Variants in CRY2 observed in about 807,000 individuals in gnomAD.
CRY2 encodes the protein cryptochrome-2.
In CRY2, 31 loss-of-function variants were observed where a neutral mutation model predicts 69.5. The observed-to-expected ratio is 0.45, with a 90% CI of 0.34 to 0.60. CRY2 has a LOEUF of 0.60. CRY2 is among the 20% of genes least tolerant of loss of function. The probability of loss-of-function intolerance (pLI) is 0.02; values close to 1 mark genes in which losing one functional copy is unlikely to be tolerated. For synonymous variants in CRY2, 303 were observed against 312.2 expected (o/e 0.97, Z 0.31); for missense variants, 606 against 797.8 (o/e 0.76, Z 2.90).
intron 3 of CRY2, among the ~76,000 whole-genome samples, chr11:45,860,162 T>C (rs980494897): frequency 2.6e-5 from 4 of 152,170 alleles, no homozygotes; most frequent in Non-Finnish European, 4.4e-5. Context: ...TCCTTCCTTC[T>C]TGCATGAGTG....
At chr11:45,854,694 G>GTAAA (rs1032811612) in intron 1 of CRY2, among the ~76,000 whole-genome samples, 4 of 151,976 alleles carry the variant, frequency 2.6e-5, no homozygotes, top group African/African-American at 4.8e-5. Flanking sequence ...GTCTCAAAAA[G>GTAAA]TAAATAAATA....
At chr11:45,863,385 C>A (rs2086303661) in intron 5 of CRY2, among the ~76,000 whole-genome samples, 1 of 152,036 alleles carries the variant, frequency 6.6e-6, no homozygotes, top group Non-Finnish European at 1.5e-5. Context: ...AGGTCACCGA[C>A]AGGAGCTCCT....
intron 9 of CRY2, 31 bp downstream of exon 9, chr11:45,870,563 G>A: frequency 6.2e-7 from 1 of 1,610,206 alleles, no homozygotes; most frequent in Non-Finnish European, 8.5e-7. Flanking sequence ...CTCACTGAAG[G>A]GAAGGACAGC....
rs2086490514 is a variant in CRY2, at chr11:45,883,138, C to T, written c.*2227C>T. 5.6e-6 allele frequency: 1 copy of T among 177,776 alleles called. No homozygotes were observed. The highest frequency in any genetic ancestry group is 1.2e-5 in the Non-Finnish European group (1 of 85,240). The allele number at this position is 177,776 out of a possible 1,614,324, so 11.0% of individuals were successfully genotyped here. On this transcript the variant is annotated 3_prime_UTR_variant, in exon 12 of 12. Transcript: ENST00000616080. The stretch of plus-strand genomic sequence containing the variant: ...GGCCAGCATGGGGAAGAGATGGTTG[C>T]AGGCAAAATGCACTTTATAGAGATT...
chr11:45,870,724 G>A lies in CRY2; in HGVS notation c.1550-118G>A, dbSNP rs115313535. 4,749 of 1,099,424 alleles carry A rather than the reference G, an allele frequency of 4.3e-3. 131 individuals carry two copies. In the African/African-American group the frequency reaches 0.063, roughly 14 times the overall value. The allele number at this position is 1,099,424 out of a possible 1,614,324, so 68.1% of individuals were successfully genotyped here. ...CTGAGTAGTTGTGGGGCTGTGGGAGGAAATGGAACCTCAGTGTCTTGCTCC... is the reference window on the plus strand; with the variant it reads ...CTGAGTAGTTGTGGGGCTGTGGGAGAAAATGGAACCTCAGTGTCTTGCTCC... On this transcript the variant is annotated intron_variant, in intron 9 of 11. Coordinates refer to ENST00000616080, the MANE Select transcript of CRY2 (RefSeq NM_021117.5).
chr11:45,866,896 G>A (rs377257028), intron 5 of CRY2, among the ~76,000 whole-genome samples: 4 of 151,912 alleles, frequency 2.6e-5, no homozygotes, highest in African/African-American at 7.3e-5. Flanking sequence ...TGGAGGTTGC[G>A]GTGAGCCGAG....
intron 5 of CRY2, 66 bp from the exon 6 acceptor site, chr11:45,867,546 A>G (rs1470675039): frequency 6.9e-6 from 11 of 1,599,558 alleles, no homozygotes; most frequent in East Asian, 4.5e-5. Context: ...TAACCACCCA[A>G]TGCCTCCATT....
chr11:45,867,574 C>T, intron 5 of CRY2, 38 bp from the exon 6 acceptor site: 6 of 1,613,260 alleles, frequency 3.7e-6, no homozygotes, highest in Non-Finnish European at 5.1e-6. Flanking sequence ...CTGTTACATC[C>T]AAGCCTTTCC....
intron 5 of CRY2, among the ~76,000 whole-genome samples, chr11:45,862,629 C>T (rs1045966534): frequency 1.3e-5 from 2 of 152,198 alleles, no homozygotes; most frequent in Non-Finnish European, 2.9e-5. Flanking sequence ...AAAGCTATGT[C>T]GGATTGCTTT....
chr11:45,869,648 A>G lies in CRY2; in HGVS notation c.1025A>G (p.Asn342Ser), dbSNP rs766746405. Residue 342 changes from asparagine (N) to serine (S), a missense_variant, in exon 7 of 12, where the codon AAT becomes AGT. By Grantham distance (46) the Asn-to-Ser change is conservative. This residue lies in a region of CRY2 where 382 missense variants were observed against 508.9 expected (regional missense o/e 0.75). Transcript: ENST00000616080. ...PICIQIPWDRNPEALAKWAEG... is the reference protein window; with the variant it reads ...PICIQIPWDRSPEALAKWAEG... The stretch of plus-strand genomic sequence containing the variant: ...TGCATCCAGATCCCCTGGGACCGCA[A>G]TCCTGAGGCCCTGGCCAAGTGGGCT... The G allele has an allele frequency of 6.2e-7, 1 of 1,614,230 alleles. No homozygotes were observed. The highest frequency in any genetic ancestry group is 1.1e-5 in the South Asian group (1 of 91,092).
intron 2 of CRY2, among the ~76,000 whole-genome samples, chr11:45,857,364 A>G (rs1472957818): frequency 1.3e-5 from 2 of 152,154 alleles, no homozygotes; most frequent in African/African-American, 2.4e-5. Flanking sequence ...CTGACTCTAG[A>G]GCTGTATCCT....
At chr11:45,879,144 G>T (rs1295941334) in intron 11 of CRY2, among the ~76,000 whole-genome samples, 1 of 151,284 alleles carries the variant, frequency 6.6e-6, no homozygotes, top group Non-Finnish European at 1.5e-5. Context: ...CAGGAGAATC[G>T]CTTGAACCTG....
chr11:45,882,281 C>T lies in CRY2; in HGVS notation c.*1370C>T, dbSNP rs1015899463. The T allele has an allele frequency of 2.3e-4, 43 of 190,738 alleles. No homozygotes were observed. The highest frequency in any genetic ancestry group is 4.4e-4 in the East Asian group (4 of 9,146). The allele number at this position is 190,738 out of a possible 1,614,324, so 11.8% of individuals were successfully genotyped here. A position where few individuals can be genotyped will look rare whatever the true frequency, so the allele number is the denominator to read the frequency against. On this transcript the variant is annotated 3_prime_UTR_variant, in exon 12 of 12. Transcript: ENST00000616080. ...GCCACAAAGTGTGTGTGTGTGTGTG[C>T]GTGTGTGGTACGTGTGTGTGTGTGT...
intron 10 of CRY2, 91 bp from the exon 11 acceptor site, chr11:45,872,001 C>T (rs1590771313): frequency 6.5e-7 from 1 of 1,527,834 alleles, no homozygotes; most frequent in South Asian, 1.2e-5. Context: ...TAAGTGTGCT[C>T]CCTGTCCCCT....
intron 4 of CRY2, chr11:45,861,722 G>T (rs567306468): frequency 2.4e-4 from 64 of 267,954 alleles, no homozygotes; most frequent in African/African-American, 1.3e-3. Context: ...GATTACAGAC[G>T]TGAGCCACAC....
chr11:45,879,579 G>T (rs1265147097), intron 11 of CRY2, among the ~76,000 whole-genome samples: 1 of 152,238 alleles, frequency 6.6e-6, no homozygotes, highest in Non-Finnish European at 1.5e-5. Flanking sequence ...ACAGATTTGA[G>T]AATCAGACAG....
chr11:45,849,583 G>A (rs1242384730), intron 1 of CRY2, among the ~76,000 whole-genome samples: 1 of 151,854 alleles, frequency 6.6e-6, no homozygotes, highest in East Asian at 1.9e-4. Flanking sequence ...ATCCCATAAG[G>A]GTCTTTAAAA....
intron 1 of CRY2, among the ~76,000 whole-genome samples, chr11:45,848,900 G>T (rs1020066701): frequency 5.3e-5 from 8 of 152,184 alleles, no homozygotes; most frequent in African/African-American, 1.9e-4. Flanking sequence ...AAGGAGTCCT[G>T]TGGAGAGCCT....
At chr11:45,869,846 C>G in intron 7 of CRY2, 29 bp downstream of exon 7, 1 of 1,579,712 alleles carries the variant, frequency 6.3e-7, no homozygotes, top group Non-Finnish European at 8.6e-7. Context: ...AAAAGCTGGC[C>G]TGTACCCTCT....
Sources: allele counts gnomAD v4.1 joint callset (sites outside exome capture counted in the v4.1 genomes callset), GRCh38; gene constraint gnomAD v4.1.1; regional missense constraint gnomAD v4.1.1; transcripts MANE v1.5; gene names NCBI Gene and HGNC (gene_info 2026-07-23, HGNC 2026-07-21).